Variants in PDE4D observed in about 807,000 individuals in gnomAD.
PDE4D encodes the protein phosphodiesterase 4D.
PDE4D carries 24 observed loss-of-function variants against 87.4 expected under a neutral mutation model. That is an observed-to-expected ratio of 0.27 (90% CI 0.20 to 0.39). The LOEUF (loss-of-function observed/expected upper bound fraction) is 0.39, where lower values mean the gene tolerates loss of function less well. Among genes scored for constraint, PDE4D ranks in the 10% least tolerant of loss-of-function variants. The pLI is 1.00. For synonymous variants in PDE4D, 384 were observed against 383.2 expected (o/e 1.00, Z -0.02); for missense variants, 714 against 1,041.0 (o/e 0.69, Z 4.32).
At chr5:60,521,061 C>G in intron 1 of PDE4D, 1 of 152,358 alleles carries the variant, frequency 6.6e-6, no homozygotes, top group Admixed American at 6.5e-5. Flanking sequence ...TCATTAACAC[C>G]TACTCACAAC....
chr5:59,671,644 C>CA (rs1372917361), intron 1 of PDE4D, among the ~76,000 whole-genome samples: 1 of 151,556 alleles, frequency 6.6e-6, no homozygotes, highest in East Asian at 1.9e-4. Flanking sequence ...CCCTTCTCTA[C>CA]AAAAAATACA....
At chr5:59,872,107 A>G (rs1747893094) in intron 1 of PDE4D, among the ~76,000 whole-genome samples, 1 of 152,174 alleles carries the variant, frequency 6.6e-6, no homozygotes, top group Non-Finnish European at 1.5e-5. Flanking sequence ...GAAGTCAAGT[A>G]GAACTAAACT....
chr5:59,841,549 T>C (rs1581371658), intron 1 of PDE4D, among the ~76,000 whole-genome samples: 1 of 152,156 alleles, frequency 6.6e-6, no homozygotes, highest in East Asian at 1.9e-4. Flanking sequence ...TGTGTTCCAG[T>C]CACAGGGCTA....
chr5:59,019,179 T>G (rs1273532623), intron 6 of PDE4D, among the ~76,000 whole-genome samples: 1 of 152,098 alleles, frequency 6.6e-6, no homozygotes, highest in Non-Finnish European at 1.5e-5. Flanking sequence ...CCAAGTCTTA[T>G]GTATGCTGTC....
At chr5:59,151,819 G>A (rs183960247) in intron 5 of PDE4D, among the ~76,000 whole-genome samples, 103 of 152,176 alleles carry the variant, frequency 6.8e-4, no homozygotes, top group African/African-American at 2.3e-3. Flanking sequence ...TATAATTTTA[G>A]GGAGCTGGGA....
At chr5:60,403,109 G>A (rs1741229593) in intron 1 of PDE4D, among the ~76,000 whole-genome samples, 1 of 152,194 alleles carries the variant, frequency 6.6e-6, no homozygotes, top group African/African-American at 2.4e-5. Flanking sequence ...AGCCAGGTCT[G>A]GAGGCCAGAA....
At chr5:59,468,948 T>C (rs2153650525) in intron 1 of PDE4D, among the ~76,000 whole-genome samples, 1 of 152,280 alleles carries the variant, frequency 6.6e-6, no homozygotes, top group East Asian at 1.9e-4. Context: ...TTCCTAACTA[T>C]GAGGCCTCCT....
intron 5 of PDE4D, among the ~76,000 whole-genome samples, chr5:59,079,666 T>TTAGTAATAATAATAATAA (rs1554063729): frequency 1.4e-5 from 2 of 146,138 alleles, no homozygotes; most frequent in Non-Finnish European, 3.0e-5. Context: ...CTCTACAAAA[T>TTAGTAATAATAATAATAA]TAATAATAAT....
At chr5:60,072,114 T>G (rs746871172) in intron 2 of PDE4D, among the ~76,000 whole-genome samples, 38 of 152,176 alleles carry the variant, frequency 2.5e-4, no homozygotes, top group Non-Finnish European at 5.0e-4. Context: ...CTACAATAGT[T>G]TAACTAATTT....
chr5:59,017,547 G>A (rs1177384834), intron 6 of PDE4D, among the ~76,000 whole-genome samples: 1 of 152,168 alleles, frequency 6.6e-6, no homozygotes, highest in Non-Finnish European at 1.5e-5. Context: ...TGTCCCCGAA[G>A]TTCTTCACAG....
At chr5:60,417,288 C>A (rs1028603602) in intron 1 of PDE4D, among the ~76,000 whole-genome samples, 3 of 152,152 alleles carry the variant, frequency 2.0e-5, no homozygotes, top group Non-Finnish European at 4.4e-5. Flanking sequence ...ATTTAGTGTA[C>A]CTCACCCAAG....
At chr5:59,243,541 C>T (rs1350272200) in intron 1 of PDE4D, among the ~76,000 whole-genome samples, 1 of 132,542 alleles carries the variant, frequency 7.5e-6, no homozygotes, top group Non-Finnish European at 1.5e-5. Flanking sequence ...CTCACTGCAA[C>T]CTCTGCTTCC....
chr5:59,373,010 A>AG (rs1433366841), intron 1 of PDE4D, among the ~76,000 whole-genome samples: 1 of 131,136 alleles, frequency 7.6e-6, no homozygotes, highest in Non-Finnish European at 1.7e-5. Flanking sequence ...ATAGGATAAA[A>AG]GGAAAAAAAA....
chr5:59,182,071 G>A (rs749157164), intron 4 of PDE4D, among the ~76,000 whole-genome samples: 5 of 151,878 alleles, frequency 3.3e-5, no homozygotes, highest in Non-Finnish European at 7.4e-5. Flanking sequence ...AAAATTTTGT[G>A]TTTGATTGAA....
chr5:59,818,513 G>A (rs1769254359), intron 1 of PDE4D, among the ~76,000 whole-genome samples: 1 of 152,184 alleles, frequency 6.6e-6, no homozygotes, highest in Non-Finnish European at 1.5e-5. Context: ...AGAAATTTCA[G>A]CAATGGCATC....
chr5:59,421,125 T>A (rs1407443556), intron 1 of PDE4D, among the ~76,000 whole-genome samples: 1 of 152,194 alleles, frequency 6.6e-6, no homozygotes, highest in African/African-American at 2.4e-5. Context: ...TGAATTCTCA[T>A]ACAATCACAA....
chr5:60,443,519 T>C (rs2150137741), intron 1 of PDE4D, among the ~76,000 whole-genome samples: 2 of 152,206 alleles, frequency 1.3e-5, no homozygotes. Context: ...GAGAAAAGAA[T>C]GCTGATGTAG....
At chr5:59,787,385 T>G (rs1333551275) in intron 1 of PDE4D, among the ~76,000 whole-genome samples, 2 of 152,212 alleles carry the variant, frequency 1.3e-5, no homozygotes, top group Non-Finnish European at 2.9e-5. Context: ...CGTTTTATCT[T>G]AAGGTGCTGA....
At chr5:59,892,217 A>C (rs1323038786) in intron 1 of PDE4D, among the ~76,000 whole-genome samples, 1 of 152,210 alleles carries the variant, frequency 6.6e-6, no homozygotes, top group Non-Finnish European at 1.5e-5. Flanking sequence ...CTGACTCCTC[A>C]GAATGGCTGT....
Sources: allele counts gnomAD v4.1 joint callset (sites outside exome capture counted in the v4.1 genomes callset), GRCh38; gene constraint gnomAD v4.1.1; transcripts MANE v1.5; gene names NCBI Gene and HGNC (gene_info 2026-07-23, HGNC 2026-07-21).